Variants in SYNE2 observed in about 807,000 individuals in gnomAD.
SYNE2 encodes the protein spectrin repeat containing nuclear envelope protein 2.
Under a neutral mutation model 856.3 loss-of-function variants are expected in SYNE2, and 431 were observed. The ratio of observed to expected loss-of-function variants is 0.50; its 90% CI spans 0.47 to 0.55. The LOEUF (loss-of-function observed/expected upper bound fraction) is 0.55. Among genes scored for constraint, SYNE2 ranks in the 20% least tolerant of loss-of-function variants. The pLI is 0.00. For missense variants in SYNE2, 8,129 were observed against 8,023.2 expected, an observed-to-expected ratio of 1.01 and a Z score of -0.50; for synonymous variants, 2,923 against 2,872.3, an observed-to-expected ratio of 1.02 and a Z score of -0.56.
intron 101 of SYNE2, 194 bp downstream of exon 101, chr14:64,209,139 C>A: frequency 1.1e-6 from 1 of 884,862 alleles, no homozygotes. Flanking sequence ...CCCAGCTGTC[C>A]TGTGTGGGGT....
At chr14:64,004,722 A>G (rs1464919388) in intron 30 of SYNE2, among the ~76,000 whole-genome samples, 1 of 152,014 alleles carries the variant, frequency 6.6e-6, no homozygotes, top group East Asian at 1.9e-4. Flanking sequence ...GGGTCTTTAG[A>G]TGACCAAGCC....
At chr14:64,085,776 T>C (rs2097556971) in intron 57 of SYNE2, among the ~76,000 whole-genome samples, 1 of 152,198 alleles carries the variant, frequency 6.6e-6, no homozygotes, top group African/African-American at 2.4e-5. Context: ...ATTTTGAGCA[T>C]TTATTTATGT....
intron 1 of SYNE2, among the ~76,000 whole-genome samples, chr14:63,767,511 G>A (rs910038802): frequency 6.6e-6 from 1 of 152,060 alleles, no homozygotes; most frequent in Non-Finnish European, 1.5e-5. Flanking sequence ...TAAAAATAGA[G>A]AATTTCATAT....
chr14:64,004,233 A>C, intron 30 of SYNE2, among the ~76,000 whole-genome samples: 1 of 132,374 alleles, frequency 7.6e-6, no homozygotes. Context: ...ACGGGTTTTC[A>C]CCATATTGGC....
chr14:64,132,447 G>A lies in SYNE2; in HGVS notation c.14514+9G>A, dbSNP rs2098032026. ...TGCAGAGTTTGTTGCAGGTATTTGG[G>A]TTATGTAAACGTTGTACTGAAGCTG... is the stretch of plus-strand genomic sequence containing the variant. On this transcript the variant is annotated intron_variant, in intron 77 of 115. Coordinates refer to ENST00000555002, the MANE Select transcript of SYNE2 (RefSeq NM_182914.3). The A allele has an allele frequency of 6.2e-7, 1 of 1,614,116 alleles. No homozygotes were observed. The highest frequency in any genetic ancestry group is 8.5e-7 in the Non-Finnish European group (1 of 1,179,998).
chr14:64,195,381 C>T (rs569481637), intron 99 of SYNE2, among the ~76,000 whole-genome samples: 3 of 152,280 alleles, frequency 2.0e-5, no homozygotes, highest in Non-Finnish European at 2.9e-5. Context: ...TCCTGAATTT[C>T]TCTCTGATGG....
chr14:64,145,616 A>G (rs1567453564), intron 83 of SYNE2, among the ~76,000 whole-genome samples: 1 of 152,164 alleles, frequency 6.6e-6, no homozygotes, highest in African/African-American at 2.4e-5. Flanking sequence ...AAAATTTATT[A>G]TGAATGAGAA....
intron 64 of SYNE2, among the ~76,000 whole-genome samples, chr14:64,102,714 A>G (rs989701646): frequency 2.0e-5 from 3 of 151,960 alleles, no homozygotes; most frequent in African/African-American, 7.3e-5. Flanking sequence ...ATTATTAACT[A>G]TAATTGCCAT....
In SYNE2 at chr14:64,098,332, G is replaced by A; in HGVS notation, c.12306+186G>A. The A allele has an allele frequency of 2.0e-5, 14 of 693,262 alleles. No individual in the cohort carries two copies. In the South Asian group the frequency reaches 2.1e-4, roughly 11 times the overall value. The allele number at this position is 693,262 out of a possible 1,614,324, so 42.9% of individuals were successfully genotyped here. A position where few individuals can be genotyped will look rare whatever the true frequency, so the allele number is the denominator to read the frequency against. On this transcript the variant is annotated intron_variant, in intron 62 of 115. Coordinates refer to ENST00000555002, the MANE Select transcript of SYNE2 (RefSeq NM_182914.3). ...TAAATCCTCAGGGTGTGCCTGTTCTGGACTCCACCCAGAATTCTTAACACC... is the reference window on the plus strand; with the variant it reads ...TAAATCCTCAGGGTGTGCCTGTTCTAGACTCCACCCAGAATTCTTAACACC...
At chr14:63,948,758 A>ATATG (rs2096084014) in intron 6 of SYNE2, among the ~76,000 whole-genome samples, 3 of 104,316 alleles carry the variant, frequency 2.9e-5, no homozygotes, top group Admixed American at 1.1e-4. Flanking sequence ...GTGTATATAT[A>ATATG]TGTATATATA....
At chr14:63,776,750 C>T (rs187531808) in intron 1 of SYNE2, among the ~76,000 whole-genome samples, 2 of 151,966 alleles carry the variant, frequency 1.3e-5, no homozygotes, top group East Asian at 3.9e-4. Flanking sequence ...CAAGTGTGCG[C>T]CACCACCACC....
chr14:64,121,871 G>A (rs1304184068), intron 68 of SYNE2, 141 bp from the exon 69 acceptor site: 8 of 1,151,322 alleles, frequency 6.9e-6, no homozygotes, highest in Non-Finnish European at 1.0e-5. Flanking sequence ...GAGTTTACAA[G>A]AACAGGAATG....
At chr14:63,925,391 C>T (rs527355835) in intron 2 of SYNE2, among the ~76,000 whole-genome samples, 2 of 130,878 alleles carry the variant, frequency 1.5e-5, no homozygotes, top group East Asian at 2.2e-4. Context: ...TTTGTGAATA[C>T]GTAGTAGTTG....
At chr14:64,110,588 ACC>A (rs11315645) in intron 65 of SYNE2, among the ~76,000 whole-genome samples, 5,868 of 75,466 alleles carry the variant, frequency 0.078, 359 homozygotes, top group Admixed American at 0.18. Context: ...TACTTTTTAC[ACC>A]CCCCCCCCCC....
chr14:64,123,378 A>G (rs966742155), intron 70 of SYNE2, among the ~76,000 whole-genome samples: 1 of 152,144 alleles, frequency 6.6e-6, no homozygotes, highest in African/African-American at 2.4e-5. Context: ...ACATACTCAC[A>G]TTGCCTGGGC....
chr14:64,066,913 C>G (rs2097362634), intron 51 of SYNE2, among the ~76,000 whole-genome samples: 1 of 152,162 alleles, frequency 6.6e-6, no homozygotes, highest in Non-Finnish European at 1.5e-5. Context: ...CCCCTGTAGG[C>G]TGGGGCTGGG....
At chr14:64,210,814 G>GCTTT (rs531249432) in intron 103 of SYNE2, among the ~76,000 whole-genome samples, 63 of 152,148 alleles carry the variant, frequency 4.1e-4, no homozygotes, top group African/African-American at 1.3e-3. Context: ...GTAAATCTGG[G>GCTTT]CTTTCTTTCT....
chr14:63,956,292 T>G (rs2096241206), intron 8 of SYNE2: 1 of 412,686 alleles, frequency 2.4e-6, no homozygotes, highest in Admixed American at 2.6e-5. Context: ...ACAGATAGCC[T>G]CAGGAGCATA....
At chr14:63,815,217 C>CGGAG (rs1261513232) in intron 1 of SYNE2, among the ~76,000 whole-genome samples, 1 of 35,192 alleles carries the variant, frequency 2.8e-5, no homozygotes, top group Non-Finnish European at 5.6e-5. Context: ...TATATATATC[C>CGGAG]ATATATATAT....
Sources: gnomAD v4.1 joint callset for allele counts (sites outside exome capture counted in the v4.1 genomes callset) on GRCh38, gnomAD v4.1.1 for gene constraint, MANE v1.5 for transcripts, NCBI Gene and HGNC (gene_info 2026-07-23, HGNC 2026-07-21) for gene names.